KIF5C: variants seen among roughly 807,000 people sequenced by gnomAD.
KIF5C encodes kinesin family member 5C.
Under a neutral mutation model 125.2 loss-of-function variants are expected in KIF5C, and 18 were observed. The observed-to-expected ratio is 0.14, with a 90% confidence interval of 0.10 to 0.21. KIF5C has a LOEUF of 0.21. KIF5C is among the 10% of genes least tolerant of loss of function. The probability of loss-of-function intolerance (pLI) is 1.00; values close to 1 mark genes in which losing one functional copy is unlikely to be tolerated. For missense variants in KIF5C, 780 were observed against 1,183.8 expected (o/e 0.66, Z 5.01); for synonymous variants, 405 against 434.0 (o/e 0.93, Z 0.83).
rs149787713 is a variant in KIF5C, at chr2:148,903,009, G to C, written c.127-19128G>C. Among the ~76,000 whole-genome samples the C allele has an allele frequency of 6.1e-3, 927 of 152,234 alleles. 7 individuals are homozygous for C. Among genetic ancestry groups the C allele is most frequent in the African/African-American group, 0.021 (886 of 41,516 alleles). On this transcript the variant is annotated intron_variant, in intron 1 of 25. Transcript: ENST00000435030. ...GTGGCTTCATGGAGCATTGGGTTGA[G>C]AGGGATTGTAAGGCTGCCCTTGAGC...
intron 23 of KIF5C, among the ~76,000 whole-genome samples, chr2:149,008,490 G>A (rs1012389230): frequency 2.6e-5 from 4 of 152,182 alleles, no homozygotes; most frequent in Non-Finnish European, 5.9e-5. Flanking sequence ...ACAGACTGGT[G>A]CCTTGCTTCA....
At chr2:149,003,337 G>A (rs73011340) in intron 21 of KIF5C, among the ~76,000 whole-genome samples, 2,426 of 152,350 alleles carry the variant, frequency 0.016, 64 homozygotes, top group African/African-American at 0.055. Flanking sequence ...GTGAATGCCC[G>A]GGAAGCCCGC....
At chr2:148,969,423 GT>G (rs1680838124) in intron 11 of KIF5C, among the ~76,000 whole-genome samples, 1 of 9,996 alleles carries the variant, frequency 1.0e-4, no homozygotes, top group Non-Finnish European at 1.7e-4. Flanking sequence ...AAGGTTTCCA[GT>G]GTGTGTGTGT....
At chr2:148,908,519 G>A (rs974167307) in intron 1 of KIF5C, among the ~76,000 whole-genome samples, 13 of 152,176 alleles carry the variant, frequency 8.5e-5, no homozygotes, top group African/African-American at 2.9e-4. Flanking sequence ...TAGGAGAGGG[G>A]TTATGGACAT....
chr2:148,932,986 A>C (rs2105094546), intron 3 of KIF5C, among the ~76,000 whole-genome samples: 1 of 152,234 alleles, frequency 6.6e-6, no homozygotes, highest in South Asian at 2.1e-4. Context: ...TTGCGGATAG[A>C]ATTATACAGG....
chr2:148,963,813 C>T (rs1682985429), intron 11 of KIF5C, among the ~76,000 whole-genome samples: 1 of 152,112 alleles, frequency 6.6e-6, no homozygotes, highest in African/African-American at 2.4e-5. Context: ...CATCATTTTG[C>T]ATCTCTTGCC....
rs568548253 is a variant in KIF5C at position 148,922,120 on chromosome 2, TTGTC to T, written c.127-15_127-12del. 49 of 1,559,408 alleles carry T rather than the reference TTGTC, an allele frequency of 3.1e-5. No homozygotes were observed. The South Asian group carries it at 5.4e-4, about 17-fold the overall frequency. On this transcript the variant is annotated splice_polypyrimidine_tract_variant and intron_variant, in intron 1 of 25. Coordinates refer to ENST00000435030, the MANE Select transcript of KIF5C (RefSeq NM_004522.3). ...TGTTTTTTCCACCTTTTTCTTCCCT[TTGTC>T]TTTCTTTTTTAGCAAGGGAAGCCAT...
At chr2:148,992,410 A>G (rs1681550609) in intron 16 of KIF5C, among the ~76,000 whole-genome samples, 1 of 152,218 alleles carries the variant, frequency 6.6e-6, no homozygotes, top group Non-Finnish European at 1.5e-5. Context: ...TGTTAATGAA[A>G]ATGAAAAAAA....
At chr2:148,900,349 ATG>A (rs1316346833) in intron 1 of KIF5C, among the ~76,000 whole-genome samples, 2 of 152,182 alleles carry the variant, frequency 1.3e-5, no homozygotes, top group Non-Finnish European at 2.9e-5. Flanking sequence ...TGATCTAGTC[ATG>A]TAGGGAATGC....
At chr2:148,910,621 G>A (rs1681295594) in intron 1 of KIF5C, among the ~76,000 whole-genome samples, 1 of 152,196 alleles carries the variant, frequency 6.6e-6, no homozygotes, top group African/African-American at 2.4e-5. Flanking sequence ...AATCGTCAGA[G>A]CAGTGAGGTC....
Position 149,007,968 on chromosome 2 carries a change from G to A in KIF5C, c.2451G>A (p.Val817=), listed in dbSNP as rs764230980. ...QDLTTRVKKS[V]ELDNDDGGGS... is the part of the protein sequence containing the mutation. ...ACCCCTTGGTGTCAATGCAGAGTGT[G>A]GAGTTGGACAACGATGATGGAGGGG... Residue 817 remains valine (V), a synonymous_variant, in exon 23 of 26, where the codon GTG becomes GTA. Transcript: ENST00000435030. 1 of 1,607,064 alleles carries A rather than the reference G, an allele frequency of 6.2e-7. No individual in the cohort carries two copies. Among genetic ancestry groups the A allele is most frequent in the Non-Finnish European group, 8.5e-7 (1 of 1,175,148 alleles).
intron 12 of KIF5C, among the ~76,000 whole-genome samples, chr2:148,974,651 C>T (rs1681013322): frequency 6.6e-6 from 1 of 152,120 alleles, no homozygotes; most frequent in Admixed American, 6.5e-5. Flanking sequence ...TTATGCAAAA[C>T]AAAGAGAAAA....
chr2:148,894,161 A>T (rs1681777641), intron 1 of KIF5C, among the ~76,000 whole-genome samples: 1 of 152,156 alleles, frequency 6.6e-6, no homozygotes, highest in Admixed American at 6.5e-5. Flanking sequence ...AAGTGGTTTC[A>T]TTTTCCACAG....
chr2:148,910,584 C>A (rs960800001), intron 1 of KIF5C, among the ~76,000 whole-genome samples: 15 of 152,196 alleles, frequency 9.9e-5, no homozygotes, highest in African/African-American at 3.4e-4. Flanking sequence ...ACGGTCAAAT[C>A]ATTGAGATGG....
chr2:148,903,868 A>AT (rs903790617), intron 1 of KIF5C, among the ~76,000 whole-genome samples: 2 of 151,956 alleles, frequency 1.3e-5, no homozygotes, highest in African/African-American at 2.4e-5. Flanking sequence ...TTGGGAAGTT[A>AT]TTTTTTTTCC....
At chr2:148,943,679 C>A (rs1209081135) in intron 7 of KIF5C, among the ~76,000 whole-genome samples, 3 of 152,092 alleles carry the variant, frequency 2.0e-5, no homozygotes, top group African/African-American at 4.8e-5. Context: ...TTATAGCTGC[C>A]CCAAGTGCTG....
chr2:148,979,264 G>A lies in KIF5C; in HGVS notation c.1362+274G>A, dbSNP rs570949155. Among the ~76,000 whole-genome samples, 7 of 152,288 alleles carry A rather than the reference G, an allele frequency of 4.6e-5. No homozygotes were observed. The East Asian group carries it at 1.3e-3, about 29-fold the overall frequency. On this transcript the variant is annotated intron_variant, in intron 13 of 25. Transcript: ENST00000435030. The stretch of plus-strand genomic sequence containing the variant: ...GAAGGGCAGAGACCTTTGGTTGGGT[G>A]ATCAAGCAAGGATGATCCTTTTTTA...
chr2:149,011,705 G>T (rs753311822), intron 25 of KIF5C, 22 bp downstream of exon 25: 3 of 1,613,822 alleles, frequency 1.9e-6, no homozygotes, highest in Non-Finnish European at 2.5e-6. Flanking sequence ...GTCAAGGGTG[G>T]TTTCTCTATC....
chr2:148,875,610 C>A lies in KIF5C; in HGVS notation c.-8C>A, dbSNP rs1209760966. On this transcript the variant is annotated 5_prime_UTR_variant, in exon 1 of 26. Coordinates refer to ENST00000435030, the MANE Select transcript of KIF5C (RefSeq NM_004522.3). The stretch of plus-strand genomic sequence containing the variant: ...CATCCCCGTGCCCCCTCCCTACCGC[C>A]GGCCGAGATGGCGGATCCAGCCGAA... The A allele has an allele frequency of 3.2e-6, 5 of 1,543,788 alleles. No homozygotes were observed. In the East Asian group the frequency reaches 9.9e-5, roughly 31 times the overall value.
Sources: allele counts gnomAD v4.1 joint callset (sites outside exome capture counted in the v4.1 genomes callset), GRCh38; gene constraint gnomAD v4.1.1; transcripts MANE v1.5; gene names NCBI Gene and HGNC (gene_info 2026-07-23, HGNC 2026-07-21).